Variants in QTRT2 observed in about 807,000 individuals in gnomAD.
QTRT2 encodes the protein queuine tRNA-ribosyltransferase domain containing 1.
A neutral mutation model predicts 44.8 loss-of-function variants in QTRT2; 32 were observed. That is an observed-to-expected ratio of 0.71 (90% confidence interval 0.54 to 0.96). QTRT2 has a LOEUF of 0.96. Ranked by LOEUF, QTRT2 falls within the 40% of genes least tolerant of loss-of-function variation. QTRT2 has a pLI of 0.00. For synonymous variants in QTRT2, 182 were observed against 187.4 expected (o/e 0.97, Z 0.24); for missense variants, 461 against 503.1 (o/e 0.92, Z 0.80).
chr3:114,064,071 T>G (rs1342297452), intron 2 of QTRT2, among the ~76,000 whole-genome samples: 1 of 152,028 alleles, frequency 6.6e-6, no homozygotes, highest in African/African-American at 2.4e-5. Context: ...AAAAGTCATC[T>G]GGGCATGGCG....
chr3:114,062,368 CAA>C (rs143192501), intron 2 of QTRT2, among the ~76,000 whole-genome samples: 40,788 of 85,738 alleles, frequency 0.48, 6,018 homozygotes, highest in Middle Eastern at 0.54. Flanking sequence ...GACCTTGTCT[CAA>C]AAAAAAAAAA....
Position 114,068,034 on chromosome 3 carries a change from C to A in QTRT2, c.304C>A (p.Pro102Thr). ...LYCSLHDPVS[P>T]CPAGYVTNKS... ...CTGCTCCCTGCACGATCCAGTCAGCCCCTGCCCGGCTGGTTATGTAACAAA... is the reference window on the plus strand; with the variant it reads ...CTGCTCCCTGCACGATCCAGTCAGCACCTGCCCGGCTGGTTATGTAACAAA... The change falls in exon 5 of 10, where the codon CCC (proline) becomes ACC (threonine). Residue 102 changes from proline to threonine, a missense_variant. By Grantham distance (38) the Pro-to-Thr change is conservative. Transcript: ENST00000281273. 1 of 1,613,906 alleles carries A rather than the reference C, an allele frequency of 6.2e-7. No individual in the cohort carries two copies. Among genetic ancestry groups the A allele is most frequent in the Non-Finnish European group, 8.5e-7 (1 of 1,179,842 alleles).
chr3:114,068,002 T>C lies in QTRT2; in HGVS notation c.272T>C (p.Leu91Pro). 6.2e-7 allele frequency: 1 copy of C among 1,613,756 alleles called. No homozygotes were observed. The highest frequency in any genetic ancestry group is 8.5e-7 in the Non-Finnish European group (1 of 1,179,758). ...VGKFIGMPES[L>P]LYCSLHDPVS... ...GTTTATACAGGCATGCCAGAATCAC[T>C]CTTGTACTGCTCCCTGCACGATCCA... Residue 91 changes from leucine to proline, a missense_variant, in exon 5 of 10, where the codon CTC becomes CCC. Leu to Pro is a moderately conservative substitution (Grantham distance 98, BLOSUM62 -3). Coordinates refer to ENST00000281273, the MANE Select transcript of QTRT2 (RefSeq NM_024638.4).
chr3:114,075,623 C>T (rs1356758892), intron 6 of QTRT2, among the ~76,000 whole-genome samples: 3 of 151,878 alleles, frequency 2.0e-5, no homozygotes, highest in African/African-American at 7.3e-5. Context: ...ATTCTCCCAC[C>T]TCAGCCTCCC....
intron 8 of QTRT2, among the ~76,000 whole-genome samples, chr3:114,081,588 C>T (rs1559962085): frequency 6.6e-6 from 1 of 152,030 alleles, no homozygotes; most frequent in East Asian, 1.9e-4. Flanking sequence ...CAGGTGCATG[C>T]CACCATGCTG....
At chr3:114,067,033 G>A (rs892094048) in intron 4 of QTRT2, among the ~76,000 whole-genome samples, 4 of 152,094 alleles carry the variant, frequency 2.6e-5, no homozygotes, top group Admixed American at 6.6e-5. Context: ...TTCTCCTAAC[G>A]CTTTTTCTGG....
chr3:114,077,105 A>T, intron 7 of QTRT2, 163 bp downstream of exon 7: 2 of 639,954 alleles, frequency 3.1e-6, no homozygotes, highest in Non-Finnish European at 5.4e-6. Context: ...CTGTAAGGGG[A>T]GTTTCCATCA....
chr3:114,065,413 T>C lies in QTRT2; in HGVS notation c.156T>C (p.Asn52=), dbSNP rs935446035. Residue 52 remains asparagine (N), a synonymous_variant, in exon 3 of 10, where the codon AAT becomes AAC. Transcript: ENST00000281273. ...ACCTCACCCATCACACGCTGCATAA[T>C]ATCCACGGGGTTCCTGCCATGGCTC... The part of the protein sequence containing the change: ...APHLTHHTLH[N]IHGVPAMAQL... 6.2e-7 allele frequency: 1 copy of C among 1,613,974 alleles called. No homozygotes were observed. Among genetic ancestry groups the C allele is most frequent in the Non-Finnish European group, 8.5e-7 (1 of 1,180,012 alleles).
chr3:114,058,324 A>G (rs1198875829), intron 2 of QTRT2, among the ~76,000 whole-genome samples: 1 of 151,182 alleles, frequency 6.6e-6, no homozygotes, highest in Non-Finnish European at 1.5e-5. Context: ...AGGTTAATTC[A>G]TTTTTCTTTA....
rs534751709 is a variant in QTRT2 at position 114,059,814 on chromosome 3, G to T, written c.-22+2708G>T. ...TAATATGTTGAGTTACTGTGATTAG[G>T]GTGGAACTTTTATGAAGCCCCAAAC... On this transcript the variant is annotated intron_variant, in intron 2 of 9. Coordinates refer to ENST00000281273, the MANE Select transcript of QTRT2 (RefSeq NM_024638.4). Among the ~76,000 whole-genome samples the T allele has an allele frequency of 1.1e-4, 17 of 152,198 alleles. No homozygotes were observed. The South Asian group carries it at 2.9e-3, about 26-fold the overall frequency.
intron 2 of QTRT2, among the ~76,000 whole-genome samples, chr3:114,058,027 C>T (rs1233264608): frequency 6.6e-6 from 1 of 152,194 alleles, no homozygotes; most frequent in African/African-American, 2.4e-5. Flanking sequence ...CCTTGCTCTG[C>T]CACTTACCAG....
chr3:114,083,614 GT>G (rs2077196770), intron 9 of QTRT2, among the ~76,000 whole-genome samples: 1 of 152,080 alleles, frequency 6.6e-6, no homozygotes, highest in African/African-American at 2.4e-5. Flanking sequence ...GCTGGGGTGG[GT>G]TTTTTGTCTT....
intron 9 of QTRT2, among the ~76,000 whole-genome samples, chr3:114,084,986 G>A (rs552654611): frequency 6.6e-6 from 1 of 152,270 alleles, no homozygotes; most frequent in African/African-American, 2.4e-5. Flanking sequence ...AATAATTCTG[G>A]TGGTAAGTGG....
chr3:114,088,178 C>T lies in QTRT2; in HGVS notation c.*2274C>T, dbSNP rs897190130. The stretch of plus-strand genomic sequence containing the variant: ...GGAGTAGTGGTAAATATTCCAGAAT[C>T]CATATGAAATTCATGAGTTTATTTA... On this transcript the variant is annotated 3_prime_UTR_variant, in exon 10 of 10. Coordinates refer to ENST00000281273, the MANE Select transcript of QTRT2 (RefSeq NM_024638.4). 2 of 152,148 alleles carry T rather than the reference C, an allele frequency of 1.3e-5. No individual in the cohort carries two copies. The highest frequency in any genetic ancestry group is 2.9e-5 in the Non-Finnish European group (2 of 68,016). 9.4% of individuals were successfully genotyped at this position (152,148 alleles called of 1,614,324 possible). A position where few individuals can be genotyped will look rare whatever the true frequency, so the allele number is the denominator to read the frequency against.
At chr3:114,065,562 C>A in intron 3 of QTRT2, 105 bp downstream of exon 3, 1 of 841,284 alleles carries the variant, frequency 1.2e-6, no homozygotes, top group South Asian at 1.8e-5. Context: ...TATAAATTGT[C>A]GATTTTCATA....
chr3:114,084,788 A>G (rs1334798984), intron 9 of QTRT2, among the ~76,000 whole-genome samples: 1 of 152,184 alleles, frequency 6.6e-6, no homozygotes, highest in African/African-American at 2.4e-5. Flanking sequence ...TGAAGCCAGG[A>G]ATCAAATTCA....
chr3:114,065,215 C>T (rs776331002), intron 2 of QTRT2, 22 bp from the exon 3 acceptor site: 8 of 1,575,176 alleles, frequency 5.1e-6, no homozygotes, highest in South Asian at 1.1e-5. Flanking sequence ...TCCTTCTATA[C>T]TTAATGCTCT....
chr3:114,058,754 C>T (rs971582432), intron 2 of QTRT2, among the ~76,000 whole-genome samples: 2 of 152,208 alleles, frequency 1.3e-5, no homozygotes, highest in Admixed American at 6.5e-5. Flanking sequence ...TGGTCTCGAA[C>T]TCCTGACCTT....
At chr3:114,066,443 A>G in intron 4 of QTRT2, 160 bp downstream of exon 4, 2 of 572,194 alleles carry the variant, frequency 3.5e-6, no homozygotes, top group Non-Finnish European at 6.3e-6. Context: ...TCAAGATTGA[A>G]TAGGAAACAG....
Sources: gnomAD v4.1 joint callset for allele counts (sites outside exome capture counted in the v4.1 genomes callset) on GRCh38, gnomAD v4.1.1 for gene constraint, MANE v1.5 for transcripts, NCBI Gene and HGNC (gene_info 2026-07-23, HGNC 2026-07-21) for gene names.